EP400: variants seen among roughly 807,000 people sequenced by gnomAD.
EP400 encodes the protein E1A binding protein p400, also known as E1A-binding protein p400.
In EP400, 105 loss-of-function variants were observed where a neutral mutation model predicts 354.1. The ratio of observed to expected loss-of-function variants is 0.30; its 90% CI spans 0.25 to 0.35. The LOEUF is 0.35. EP400 is among the 10% of genes least tolerant of loss of function. The probability of loss-of-function intolerance (pLI) is 1.00; values close to 1 mark genes in which losing one functional copy is unlikely to be tolerated. For synonymous variants in EP400, 1,646 were observed against 1,716.9 expected (o/e 0.96, Z 1.02); for missense variants, 3,280 against 4,121.0 (o/e 0.80, Z 5.59).
intron 15 of EP400, among the ~76,000 whole-genome samples, chr12:132,008,167 C>T (rs1483347285): frequency 1.3e-5 from 2 of 152,120 alleles, no homozygotes; most frequent in Non-Finnish European, 2.9e-5. Context: ...AGGCTGGTCT[C>T]GAACTCCCAA....
chr12:132,045,112 G>T (rs1895046449), intron 37 of EP400, among the ~76,000 whole-genome samples, 159 bp downstream of exon 37: 1 of 152,236 alleles, frequency 6.6e-6, no homozygotes, highest in African/African-American at 2.4e-5. Context: ...CATGTGCACA[G>T]GTTATGTTGT....
rs1471722465 is a variant in EP400, at chr12:132,023,765, A to G, written c.4691-12A>G. 9 of 1,610,562 alleles carry G rather than the reference A, an allele frequency of 5.6e-6. No individual in the cohort carries two copies. The highest frequency in any genetic ancestry group is 4.5e-5 in the East Asian group (2 of 44,798). On this transcript the variant is annotated splice_polypyrimidine_tract_variant and intron_variant, in intron 23 of 52. Transcript: ENST00000389561. ...ATGATCTGAATTCACCTTTTCCTCT[A>G]CGTTTCAACAGGTGGAGAGGTAGTG... is the stretch of plus-strand genomic sequence containing the variant.
chr12:132,025,644 A>G lies in EP400; in HGVS notation c.4856-2A>G. 6.3e-7 allele frequency: 1 copy of G among 1,596,484 alleles called. No individual in the cohort carries two copies. Among genetic ancestry groups the G allele is most frequent in the Non-Finnish European group, 8.5e-7 (1 of 1,171,824 alleles). ...TGACACCTAGTGGACCTATGATTGC[A>G]GGCAGCGTCCTCCAGATCGTGTCCG... On this transcript the variant is annotated splice_acceptor_variant, in intron 24 of 52. Coordinates refer to ENST00000389561, the MANE Select transcript of EP400 (RefSeq NM_015409.5). LOFTEE classifies it high-confidence loss of function. This position sits in a 1 kb window ranked among gnomAD's most constrained non-coding sequence, Gnocchi z 4.1.
chr12:131,972,158 C>CT (rs549560277), intron 2 of EP400, among the ~76,000 whole-genome samples: 60 of 110,202 alleles, frequency 5.4e-4, no homozygotes, highest in East Asian at 1.1e-3. Flanking sequence ...TTTTCTTTTT[C>CT]TTTTTTTTTT....
intron 1 of EP400, among the ~76,000 whole-genome samples, chr12:131,952,700 T>G (rs574258315): frequency 6.6e-6 from 1 of 152,154 alleles, no homozygotes; most frequent in Non-Finnish European, 1.5e-5. Context: ...CATCCTCTGG[T>G]CTCAGTCTCC....
intron 2 of EP400, among the ~76,000 whole-genome samples, chr12:131,975,272 C>G (rs1298467033): frequency 1.3e-5 from 2 of 152,118 alleles, no homozygotes; most frequent in Non-Finnish European, 2.9e-5. Context: ...TAATGAAGTC[C>G]AGTTTATCCG....
chr12:132,055,446 TGGTGTAGGG>T (rs1895454325), intron 45 of EP400, among the ~76,000 whole-genome samples: 2 of 145,740 alleles, frequency 1.4e-5, no homozygotes, highest in African/African-American at 5.2e-5. Flanking sequence ...TGTGTGTGTG[TGGTGTAGGG>T]GTGTGTGTGT....
rs1473599144 is a variant in EP400, at chr12:132,045,334, A to G, written c.6800A>G (p.Lys2267Arg). ...KTDPSAAGRK[K>R]KQRHGEAVVP... Reference sequence around the variant, plus strand: ...CTCTGTTCAGCTGCAGGCAGGAAGAAGAAGCAGCGTCACGGGGAGGCGGTC... The same window carrying G: ...CTCTGTTCAGCTGCAGGCAGGAAGAGGAAGCAGCGTCACGGGGAGGCGGTC... Residue 2267 changes from lysine to arginine, a missense_variant, in exon 38 of 53, where the codon AAG (lysine) becomes AGG (arginine). Physicochemically the swap from Lys to Arg is conservative, Grantham distance 26. Around this residue, in one of 20 missense-constraint regions of EP400, gnomAD observed 231 missense variants for 257.9 expected, o/e 0.90. Transcript: ENST00000389561. 6.2e-7 allele frequency: 1 copy of G among 1,614,242 alleles called. No individual in the cohort carries two copies. Among genetic ancestry groups the G allele is most frequent in the South Asian group, 1.1e-5 (1 of 91,082 alleles).
At chr12:132,055,585 G>A (rs1421334465) in intron 45 of EP400, among the ~76,000 whole-genome samples, 12 of 137,660 alleles carry the variant, frequency 8.7e-5, no homozygotes, top group African/African-American at 2.8e-4. Flanking sequence ...AGGTGTAGGG[G>A]TATGTGTGGT....
rs552663403 is a variant in EP400, at chr12:132,043,542, A to G, written c.6366+80A>G. 5.1e-6 allele frequency: 8 copies of G among 1,582,076 alleles called. No homozygotes were observed. The African/African-American group carries it at 1.1e-4, about 22-fold the overall frequency. ...AAAATATTTATTGTTTACTGCAAGAAAAATCACTTTTTGATTCAAATGTTG... is the reference window on the plus strand; with the variant it reads ...AAAATATTTATTGTTTACTGCAAGAGAAATCACTTTTTGATTCAAATGTTG... On this transcript the variant is annotated intron_variant, in intron 33 of 52. Coordinates refer to ENST00000389561, the MANE Select transcript of EP400 (RefSeq NM_015409.5).
In EP400 at chr12:132,044,290, G is replaced by C. The variant is rs139926036; in HGVS notation, c.6564G>C (p.Thr2188=). ...AGGAGGCGGAGCTCCTGACCTACAC[G>C]CGAGAGGATGCCTACAGCATGGTAC... ...EQEEAELLTY[T]REDAYSMEYV... The change falls in exon 35 of 53, where the codon ACG becomes ACC. Residue 2188 remains threonine, a synonymous_variant. Coordinates refer to ENST00000389561, the MANE Select transcript of EP400 (RefSeq NM_015409.5). 9 of 1,613,930 alleles carry C rather than the reference G, an allele frequency of 5.6e-6. No individual in the cohort carries two copies. Among genetic ancestry groups the C allele is most frequent in the Middle Eastern group, 1.7e-4 (1 of 6,046 alleles).
rs1894538762 is a variant in EP400, at chr12:132,032,261, G to T, written c.5951+112G>T. 4 of 1,247,410 alleles carry T rather than the reference G, an allele frequency of 3.2e-6. No homozygotes were observed. In the East Asian group the frequency reaches 7.4e-5, roughly 23 times the overall value. 77.3% of individuals were successfully genotyped at this position (1,247,410 alleles called of 1,614,324 possible). On this transcript the variant is annotated intron_variant, in intron 30 of 52. Transcript: ENST00000389561. ...GGAGTCAATGAGAAGCTTTGCAGGAGATATTGGTGCAAGAAGCACTAATGC... is the reference window on the plus strand; with the variant it reads ...GGAGTCAATGAGAAGCTTTGCAGGATATATTGGTGCAAGAAGCACTAATGC...
At chr12:131,970,993 C>G (rs1259100867) in intron 2 of EP400, among the ~76,000 whole-genome samples, 1 of 152,010 alleles carries the variant, frequency 6.6e-6, no homozygotes, top group Non-Finnish European at 1.5e-5. Flanking sequence ...CACTTGAGAC[C>G]GCGTATTCAA....
chr12:131,970,685 C>A (rs1377405979), intron 2 of EP400, among the ~76,000 whole-genome samples: 1 of 152,166 alleles, frequency 6.6e-6, no homozygotes, highest in African/African-American at 2.4e-5. Context: ...AGACACACAC[C>A]CACAGGTGGT....
chr12:132,046,646 G>A (rs1024337033), intron 39 of EP400, among the ~76,000 whole-genome samples: 8 of 152,180 alleles, frequency 5.3e-5, no homozygotes, highest in African/African-American at 1.9e-4. Flanking sequence ...GAGTCCAGGC[G>A]GCTGGTCAGT....
intron 35 of EP400, 123 bp downstream of exon 35, chr12:132,044,434 C>T: frequency 7.3e-7 from 1 of 1,361,590 alleles, no homozygotes; most frequent in South Asian, 1.5e-5. Context: ...ATTTTTACTT[C>T]TCATATCAAC....
rs1360023997 is a variant in EP400 at position 132,013,393 on chromosome 12, A to G, written c.3612-97A>G. On this transcript the variant is annotated intron_variant, in intron 17 of 52. Transcript: ENST00000389561. This position sits in a 1 kb window ranked among gnomAD's most constrained non-coding sequence, Gnocchi z 4.5. ...TGCACGTTGACATTTGCGGTGTCAA[A>G]TTACTGTCCCTTTTCTCACACATTG... is the stretch of plus-strand genomic sequence containing the variant. 1 of 1,468,922 alleles carries G rather than the reference A, an allele frequency of 6.8e-7. No homozygotes were observed. Among genetic ancestry groups the G allele is most frequent in the South Asian group, 1.4e-5 (1 of 73,432 alleles). 91.0% of individuals were successfully genotyped at this position (1,468,922 alleles called of 1,614,324 possible). A position where few individuals can be genotyped will look rare whatever the true frequency, so the allele number is the denominator to read the frequency against.
chr12:132,061,978 G>C (rs1001743046), intron 45 of EP400, 132 bp from the exon 46 acceptor site: 11 of 716,818 alleles, frequency 1.5e-5, no homozygotes, highest in African/African-American at 1.4e-4. Flanking sequence ...GTTTTCAAAA[G>C]ACTGAACTCT....
intron 12 of EP400, among the ~76,000 whole-genome samples, chr12:131,995,808 G>A (rs1291336720): frequency 2.7e-5 from 4 of 146,848 alleles, no homozygotes; most frequent in Non-Finnish European, 5.9e-5. Flanking sequence ...TCATGTGAAC[G>A]AATCCCACCG....
Sources: allele counts gnomAD v4.1 joint callset (sites outside exome capture counted in the v4.1 genomes callset), GRCh38; gene constraint gnomAD v4.1.1; regional missense constraint gnomAD v4.1.1; non-coding constraint Gnocchi (gnomAD v3.1); transcripts MANE v1.5; gene names NCBI Gene and HGNC (gene_info 2026-07-23, HGNC 2026-07-21).